Variants in APBB2 observed in about 807,000 individuals in gnomAD.
APBB2 encodes amyloid beta precursor protein binding family B member 2.
Under a neutral mutation model 82.5 loss-of-function variants are expected in APBB2, and 38 were observed. The ratio of observed to expected loss-of-function variants is 0.46; its 90% CI spans 0.36 to 0.60. The LOEUF (loss-of-function observed/expected upper bound fraction) is 0.60. Among genes scored for constraint, APBB2 ranks in the 20% least tolerant of loss-of-function variants. The pLI is 0.00. For missense variants in APBB2, 772 were observed against 972.3 expected, an observed-to-expected ratio of 0.79 and a Z score of 2.74; for synonymous variants, 341 against 368.2, an observed-to-expected ratio of 0.93 and a Z score of 0.85.
At chr4:40,929,601 A>G (rs548549851) in intron 10 of APBB2, among the ~76,000 whole-genome samples, 23 of 152,276 alleles carry the variant, frequency 1.5e-4, no homozygotes, top group African/African-American at 3.6e-4. Context: ...CACTGGGCCA[A>G]TAAGGGGAAA....
intron 5 of APBB2, among the ~76,000 whole-genome samples, chr4:41,025,484 G>A (rs941699910): frequency 4.6e-5 from 7 of 151,958 alleles, no homozygotes; most frequent in Admixed American, 1.3e-4. Context: ...ACTACCATTC[G>A]ACCCAGTAAT....
At chr4:41,124,406 G>A (rs1027216743) in intron 2 of APBB2, among the ~76,000 whole-genome samples, 1 of 152,056 alleles carries the variant, frequency 6.6e-6, no homozygotes, top group African/African-American at 2.4e-5. Flanking sequence ...TTTTAGTAGA[G>A]ACCGTGTTAG....
chr4:41,008,780 G>T (rs1041921564), intron 6 of APBB2, among the ~76,000 whole-genome samples: 7 of 152,206 alleles, frequency 4.6e-5, no homozygotes, highest in African/African-American at 1.7e-4. Context: ...GAGAGGCTAT[G>T]AGAACTGCCT....
intron 17 of APBB2, among the ~76,000 whole-genome samples, chr4:40,818,829 C>T (rs1029039619): frequency 2.0e-5 from 3 of 152,206 alleles, no homozygotes; most frequent in Non-Finnish European, 4.4e-5. Context: ...TGATAAAGGT[C>T]AAATGCCTCT....
chr4:40,946,627 C>T (rs955521730), intron 6 of APBB2, among the ~76,000 whole-genome samples: 5 of 152,028 alleles, frequency 3.3e-5, no homozygotes, highest in African/African-American at 1.2e-4. Context: ...TAGAATGAGA[C>T]ATCCACCGAG....
chr4:41,055,426 G>A (rs760640539), intron 4 of APBB2, among the ~76,000 whole-genome samples: 5 of 152,316 alleles, frequency 3.3e-5, no homozygotes, highest in South Asian at 2.1e-4. Context: ...AGTGCCCAGC[G>A]CGGAGTAAGG....
intron 3 of APBB2, among the ~76,000 whole-genome samples, chr4:41,071,940 T>A (rs1057445104): frequency 2.0e-5 from 3 of 151,980 alleles, no homozygotes; most frequent in African/African-American, 7.3e-5. Context: ...GAATACTAAC[T>A]CCAAGGAAAA....
intron 10 of APBB2, among the ~76,000 whole-genome samples, chr4:40,913,930 T>C (rs1183807901): frequency 6.6e-6 from 1 of 151,962 alleles, no homozygotes; most frequent in Non-Finnish European, 1.5e-5. Context: ...GGTCAACGGA[T>C]CAATAACATA....
chr4:41,010,687 T>A (rs2154427624), intron 6 of APBB2, among the ~76,000 whole-genome samples: 1 of 152,204 alleles, frequency 6.6e-6, no homozygotes, highest in South Asian at 2.1e-4. Flanking sequence ...GCTAAATAAA[T>A]CGTGGAACTT....
chr4:41,164,834 G>C (rs531779942), intron 1 of APBB2, among the ~76,000 whole-genome samples: 1 of 152,284 alleles, frequency 6.6e-6, no homozygotes, highest in African/African-American at 2.4e-5. Context: ...TTTAGAAATA[G>C]TCCTAAGTGA....
At chr4:41,104,887 T>G (rs1022813478) in intron 2 of APBB2, among the ~76,000 whole-genome samples, 2 of 152,210 alleles carry the variant, frequency 1.3e-5, no homozygotes, top group Admixed American at 1.3e-4. Context: ...ACATTTTCTT[T>G]CTCCAGTCCA....
intron 6 of APBB2, among the ~76,000 whole-genome samples, chr4:41,005,429 G>T (rs1451981929): frequency 1.3e-5 from 2 of 151,922 alleles, no homozygotes; most frequent in African/African-American, 2.4e-5. Context: ...TTTGTTTTTG[G>T]TGAAGAAAAC....
At chr4:40,899,316 G>A (rs2154356011) in intron 10 of APBB2, among the ~76,000 whole-genome samples, 1 of 152,248 alleles carries the variant, frequency 6.6e-6, no homozygotes, top group South Asian at 2.1e-4. Flanking sequence ...CACAGCTTTT[G>A]ACCTGGGCCC....
intron 1 of APBB2, among the ~76,000 whole-genome samples, chr4:41,198,507 GT>G: frequency 6.6e-6 from 1 of 152,146 alleles, no homozygotes; most frequent in South Asian, 2.1e-4. Flanking sequence ...TAGGAAGATG[GT>G]GTTCTTTTTA....
intron 12 of APBB2, among the ~76,000 whole-genome samples, chr4:40,878,045 G>A (rs1767369290): frequency 6.7e-6 from 1 of 150,108 alleles, no homozygotes; most frequent in Non-Finnish European, 1.5e-5. Context: ...GTGGGTGGCT[G>A]AGCATTAGAG....
intron 2 of APBB2, among the ~76,000 whole-genome samples, chr4:41,134,112 A>G (rs1465325780): frequency 1.3e-5 from 2 of 152,160 alleles, no homozygotes; most frequent in Non-Finnish European, 2.9e-5. Context: ...CTAGGTTTAT[A>G]GGCATGTGCC....
intron 3 of APBB2, among the ~76,000 whole-genome samples, chr4:41,099,224 A>G (rs1467305715): frequency 1.3e-5 from 2 of 152,040 alleles, no homozygotes; most frequent in Non-Finnish European, 2.9e-5. Flanking sequence ...ACACACACGT[A>G]TATGGTTTTT....
chr4:41,040,219 T>G (rs1261670002), intron 4 of APBB2, among the ~76,000 whole-genome samples: 1 of 152,182 alleles, frequency 6.6e-6, no homozygotes, highest in Admixed American at 6.5e-5. Context: ...ATTATTTTAG[T>G]GATGAATACT....
intron 3 of APBB2, among the ~76,000 whole-genome samples, chr4:41,081,566 G>T (rs1172909799): frequency 1.3e-5 from 2 of 152,092 alleles, no homozygotes; most frequent in African/African-American, 4.8e-5. Flanking sequence ...TATTCATTGT[G>T]TCAAATGCCT....
Sources: gnomAD v4.1 joint callset for allele counts (sites outside exome capture counted in the v4.1 genomes callset) on GRCh38, gnomAD v4.1.1 for gene constraint, MANE v1.5 for transcripts, NCBI Gene and HGNC (gene_info 2026-07-23, HGNC 2026-07-21) for gene names.